The following HADHA variants were observed in gnomAD, a reference collection of about 807,000 sequenced individuals.
HADHA encodes hydroxyacyl-CoA dehydrogenase trifunctional multienzyme complex subunit alpha.
In HADHA, 59 loss-of-function variants were observed where a neutral mutation model predicts 91.3. That is an observed-to-expected ratio of 0.65 (90% CI 0.52 to 0.80). The LOEUF is 0.80. Ranked by LOEUF, HADHA falls within the 30% of genes least tolerant of loss-of-function variation. HADHA has a pLI of 0.00. For missense variants in HADHA, 800 were observed against 927.6 expected (o/e 0.86, Z 1.79); for synonymous variants, 320 against 338.9 (o/e 0.94, Z 0.61).
chr2:26,199,053 C>G (rs1414767320), intron 13 of HADHA, among the ~76,000 whole-genome samples: 1 of 152,118 alleles, frequency 6.6e-6, no homozygotes, highest in Non-Finnish European at 1.5e-5. Context: ...TGCCACCATG[C>G]CTGGCTAATT....
intron 7 of HADHA, among the ~76,000 whole-genome samples, chr2:26,226,997 G>A (rs1188457021): frequency 1.3e-5 from 2 of 152,120 alleles, no homozygotes; most frequent in East Asian, 3.8e-4. Flanking sequence ...CTTATATAGT[G>A]AAAAGATAAG....
intron 7 of HADHA, among the ~76,000 whole-genome samples, chr2:26,218,560 CCTT>C (rs1241629174): frequency 6.6e-6 from 1 of 152,000 alleles, no homozygotes; most frequent in Admixed American, 6.5e-5. Context: ...TTTTTATTCT[CCTT>C]AAGAGATAAT....
At chr2:26,224,893 T>C (rs1303979460) in intron 7 of HADHA, among the ~76,000 whole-genome samples, 1 of 152,176 alleles carries the variant, frequency 6.6e-6, no homozygotes, top group Non-Finnish European at 1.5e-5. Context: ...ACTATCAATA[T>C]CAGGAATGAA....
In HADHA at chr2:26,204,042, A is replaced by AAG; in HGVS notation, c.1220+18_1220+19dup. ...AACAAAGGACATTCTAACTCTTGCA[A>AAG]AGAGAGAGAGCAGGCTTACCCTTTG... is the stretch of plus-strand genomic sequence containing the variant. On this transcript the variant is annotated intron_variant, in intron 12 of 19. Coordinates refer to ENST00000380649, the MANE Select transcript of HADHA (RefSeq NM_000182.5). 1 of 1,612,698 alleles carries AAG rather than the reference A, an allele frequency of 6.2e-7. No individual in the cohort carries two copies. Among genetic ancestry groups the AAG allele is most frequent in the Non-Finnish European group, 8.5e-7 (1 of 1,178,762 alleles).
At chr2:26,195,344 T>C in intron 14 of HADHA, 112 bp from the exon 15 acceptor site, 1 of 930,212 alleles carries the variant, frequency 1.1e-6, no homozygotes, top group East Asian at 2.4e-5. Context: ...GATATAGGAA[T>C]ACTGCTTGAC....
At chr2:26,223,808 A>G (rs1009636034) in intron 7 of HADHA, among the ~76,000 whole-genome samples, 4 of 152,088 alleles carry the variant, frequency 2.6e-5, no homozygotes, top group Non-Finnish European at 4.4e-5. Flanking sequence ...GTGCAATGGT[A>G]CAATCTCGGC....
chr2:26,223,174 C>G (rs1445120308), intron 7 of HADHA, among the ~76,000 whole-genome samples: 1 of 152,312 alleles, frequency 6.6e-6, no homozygotes, highest in East Asian at 1.9e-4. Context: ...AAACTGCCAT[C>G]TGGCCACTTT....
chr2:26,236,228 TACTG>T (rs1350966397), intron 4 of HADHA, among the ~76,000 whole-genome samples: 6 of 152,128 alleles, frequency 3.9e-5, no homozygotes, highest in Admixed American at 3.3e-4. Flanking sequence ...CCCATTTTCC[TACTG>T]ACTGACATTT....
chr2:26,240,172 G>A (rs958273556), intron 1 of HADHA, among the ~76,000 whole-genome samples: 1 of 152,142 alleles, frequency 6.6e-6, no homozygotes. Context: ...TCTAACTGCT[G>A]CATCTGTAGC....
At chr2:26,235,552 G>GT (rs1670726993) in intron 4 of HADHA, among the ~76,000 whole-genome samples, 2 of 152,194 alleles carry the variant, frequency 1.3e-5, no homozygotes, top group South Asian at 4.1e-4. Context: ...TCAGTGTCTT[G>GT]TTAGACTTTA....
intron 10 of HADHA, 155 bp downstream of exon 10, chr2:26,212,415 C>G: frequency 1.5e-6 from 1 of 683,584 alleles, no homozygotes; most frequent in African/African-American, 1.8e-5. Flanking sequence ...CATCCACTTG[C>G]TCACTGAGAT....
chr2:26,192,310 A>G lies in HADHA; in HGVS notation c.2000T>C (p.Val667Ala). The G allele has an allele frequency of 1.3e-6, 2 of 1,515,550 alleles. No homozygotes were observed. The highest frequency in any genetic ancestry group is 1.8e-6 in the Non-Finnish European group (2 of 1,089,954). The allele number at this position is 1,515,550 out of a possible 1,614,324, so 93.9% of individuals were successfully genotyped here. The part of the protein sequence containing the change: ...ASLKLPPKSE[V>A]SSDEDIQFRL... Reference sequence around the variant, plus strand: ...GCATTAGCCACTCAAACGGACTTACACTTCAGACTTAGGAGGCAGCTTCAG... The same window carrying G: ...GCATTAGCCACTCAAACGGACTTACGCTTCAGACTTAGGAGGCAGCTTCAG... Residue 667 changes from valine (V) to alanine (A), a missense_variant and splice_region_variant, in exon 18 of 20, where the codon GTC becomes GCC. Transcript: ENST00000380649.
chr2:26,194,532 T>A (rs1669606231), intron 16 of HADHA, 38 bp downstream of exon 16: 1 of 1,225,228 alleles, frequency 8.2e-7, no homozygotes, highest in Non-Finnish European at 1.2e-6. Flanking sequence ...ACTGAAGGAG[T>A]GGAAGATGCC....
intron 7 of HADHA, 37 bp from the exon 8 acceptor site, chr2:26,215,212 G>A (rs758349678): frequency 6.2e-7 from 1 of 1,605,278 alleles, no homozygotes; most frequent in South Asian, 1.1e-5. Context: ...TGCAAATCAG[G>A]CTTAGACCAG....
Position 26,193,650 on chromosome 2 carries a change from GC to G in HADHA, c.1811del (p.Gly604AlafsTer16), listed in dbSNP as rs747985669. ...CTCCAAACCGCTCCCCAAAGACTTT[GC>G]CCAGATCTTCCGCCACATGTTTCGC... ...DVAKHVAEDL[G>X]KVFGERFGGG... On this transcript the variant is annotated frameshift_variant, in exon 17 of 20. Coordinates refer to ENST00000380649, the MANE Select transcript of HADHA (RefSeq NM_000182.5). LOFTEE classifies it high-confidence loss of function. The G allele has an allele frequency of 3.1e-6, 5 of 1,614,092 alleles. No individual in the cohort carries two copies. In the South Asian group the frequency reaches 5.5e-5, roughly 18 times the overall value.
intron 6 of HADHA, among the ~76,000 whole-genome samples, chr2:26,231,911 G>A (rs556150237): frequency 6.7e-6 from 1 of 149,198 alleles, no homozygotes; most frequent in South Asian, 2.1e-4. Context: ...GAAGGTTGCA[G>A]TGAGCTGAGA....
chr2:26,205,431 G>T (rs1669947701), intron 11 of HADHA, among the ~76,000 whole-genome samples: 1 of 152,128 alleles, frequency 6.6e-6, no homozygotes, highest in Non-Finnish European at 1.5e-5. Flanking sequence ...TATGGTGAGT[G>T]ATAAGTAATT....
In HADHA at chr2:26,232,134, C is replaced by G. The variant is rs35746418; in HGVS notation, c.573+26G>C. 0.2 allele frequency: 316,474 copies of G among 1,572,216 alleles called. 34,094 individuals carry two copies. Among genetic ancestry groups the G allele is most frequent in the Middle Eastern group, 0.26 (1,547 of 5,920 alleles). The stretch of plus-strand genomic sequence containing the variant: ...AAACAGATCTAAAGAGGGCATATAG[C>G]TTCACAAAGGGGATGTTAGACTCAC... On this transcript the variant is annotated intron_variant, in intron 6 of 19. Transcript: ENST00000380649.
At chr2:26,201,391 GA>G (rs1442077088) in intron 12 of HADHA, 71 bp from the exon 13 acceptor site, 10 of 1,019,930 alleles carry the variant, frequency 9.8e-6, no homozygotes, top group Non-Finnish European at 1.4e-5. Context: ...CCATGGGCCA[GA>G]GCACACCTGT....
Sources: gnomAD v4.1 joint callset for allele counts (sites outside exome capture counted in the v4.1 genomes callset) on GRCh38, gnomAD v4.1.1 for gene constraint, MANE v1.5 for transcripts, NCBI Gene and HGNC (gene_info 2026-07-23, HGNC 2026-07-21) for gene names.